Variants in HSF2 observed in about 807,000 individuals in gnomAD.
HSF2 encodes the protein heat shock factor protein 2.
In HSF2, 21 loss-of-function variants were observed where a neutral mutation model predicts 65.0. The ratio of observed to expected loss-of-function variants is 0.32; its 90% CI spans 0.23 to 0.47. The LOEUF is 0.47. Ranked by LOEUF, HSF2 falls within the 20% of genes least tolerant of loss-of-function variation. The pLI, the probability that HSF2 is intolerant of heterozygous loss-of-function variation, is 1.00. For synonymous variants in HSF2, 225 were observed against 219.1 expected, an observed-to-expected ratio of 1.03 and a Z score of -0.24; for missense variants, 499 against 628.1, an observed-to-expected ratio of 0.79 and a Z score of 2.20.
chr6:122,423,082 T>G (rs1047023786), intron 9 of HSF2, 125 bp downstream of exon 9: 2 of 1,024,848 alleles, frequency 2.0e-6, no homozygotes, highest in Non-Finnish European at 2.9e-6. Context: ...TTCTCTGTTT[T>G]GGTCAGTGTT....
chr6:122,399,633 C>A (rs45504694), upstream of HSF2: 96,415 of 906,732 alleles, frequency 0.11, 5,622 homozygotes, highest in East Asian at 0.15. Flanking sequence ...CCAAGATCTG[C>A]TGCGCCTGCG....
At chr6:122,408,268 C>T (rs1225580273) in intron 1 of HSF2, among the ~76,000 whole-genome samples, 1 of 151,612 alleles carries the variant, frequency 6.6e-6, no homozygotes, top group African/African-American at 2.4e-5. Flanking sequence ...GGTAATCTAT[C>T]CTTCAGGAGT....
At chr6:122,422,392 T>A in intron 8 of HSF2, 94 bp downstream of exon 8, 1 of 970,954 alleles carries the variant, frequency 1.0e-6, no homozygotes. Flanking sequence ...TGAAAAATAA[T>A]AATCTTTCTC....
At chr6:122,409,809 C>A (rs1231369548) in intron 1 of HSF2, among the ~76,000 whole-genome samples, 1 of 151,794 alleles carries the variant, frequency 6.6e-6, no homozygotes. Context: ...ATCTATATGT[C>A]TTCTGGGTTT....
intron 10 of HSF2, among the ~76,000 whole-genome samples, chr6:122,427,305 G>T (rs1471072796): frequency 6.6e-6 from 1 of 152,014 alleles, no homozygotes; most frequent in Non-Finnish European, 1.5e-5. Flanking sequence ...TGACTTTAAA[G>T]CTTATGACTT....
At chr6:122,406,892 G>T (rs1773879693) in intron 1 of HSF2, among the ~76,000 whole-genome samples, 1 of 152,116 alleles carries the variant, frequency 6.6e-6, no homozygotes. Flanking sequence ...AAAAAAACAG[G>T]AGTATTTTTG....
chr6:122,412,781 G>T lies in HSF2; in HGVS notation c.330+17G>T. 6.2e-7 allele frequency: 1 copy of T among 1,611,262 alleles called. No individual in the cohort carries two copies. The highest frequency in any genetic ancestry group is 8.5e-7 in the Non-Finnish European group (1 of 1,177,876). On this transcript the variant is annotated intron_variant, in intron 3 of 12. Coordinates refer to ENST00000368455, the MANE Select transcript of HSF2 (RefSeq NM_004506.4). ...AAAAGGAAGGTGAGCTATTGTGAAC[G>T]TGAGCTAATTAGGGTATTGACCTGG... is the stretch of plus-strand genomic sequence containing the variant.
At chr6:122,413,149 G>A (rs767182357) in intron 3 of HSF2, among the ~76,000 whole-genome samples, 1 of 151,642 alleles carries the variant, frequency 6.6e-6, no homozygotes, top group South Asian at 2.1e-4. Flanking sequence ...CTGTAAAAGG[G>A]GTGGACCATG....
At chr6:122,411,018 T>C (rs942794885) in intron 1 of HSF2, among the ~76,000 whole-genome samples, 25 of 151,318 alleles carry the variant, frequency 1.7e-4, no homozygotes, top group Admixed American at 1.6e-3. Flanking sequence ...GTTTAATTTT[T>C]AAAGGAACTA....
chr6:122,432,068 C>T lies in HSF2; in HGVS notation c.1459C>T (p.Leu487=). The change falls in exon 13 of 13, where the codon CTG becomes TTG. Residue 487 remains leucine, a synonymous_variant. Transcript: ENST00000368455. ...TAAACCCATAGAAGTTGATGAGCTT[C>T]TGGATAGCAGCCTAGACCCAGAACC... ...VDKPIEVDEL[L]DSSLDPEPTQ... 1 of 1,614,102 alleles carries T rather than the reference C, an allele frequency of 6.2e-7. No homozygotes were observed.
intron 10 of HSF2, among the ~76,000 whole-genome samples, chr6:122,426,508 G>T (rs1774341603): frequency 6.6e-6 from 1 of 152,040 alleles, no homozygotes; most frequent in Non-Finnish European, 1.5e-5. Flanking sequence ...ATTTGGGTTA[G>T]GCTTCTTAGG....
chr6:122,412,262 C>A, intron 1 of HSF2, 111 bp from the exon 2 acceptor site: 1 of 671,786 alleles, frequency 1.5e-6, no homozygotes, highest in Non-Finnish European at 2.7e-6. Context: ...GGTCTGAAGA[C>A]ATCAAGGAGG....
chr6:122,400,925 G>T (rs1045212051), intron 1 of HSF2, among the ~76,000 whole-genome samples: 15 of 152,274 alleles, frequency 9.9e-5, no homozygotes, highest in Admixed American at 6.5e-4. Context: ...GTTATCTCCC[G>T]TCCTCCTTTC....
At chr6:122,402,423 C>T (rs1773757788) in intron 1 of HSF2, among the ~76,000 whole-genome samples, 1 of 152,144 alleles carries the variant, frequency 6.6e-6, no homozygotes, top group East Asian at 1.9e-4. Flanking sequence ...AAATAAGTTA[C>T]TTTCATCTTT....
At chr6:122,419,254 T>C (rs779040844) in intron 6 of HSF2, 25 bp downstream of exon 6, 7 of 1,213,300 alleles carry the variant, frequency 5.8e-6, no homozygotes, top group African/African-American at 1.5e-5. Context: ...TAAAGTATTA[T>C]GTCCTGTATA....
At chr6:122,419,282 T>C in intron 6 of HSF2, 53 bp downstream of exon 6, 2 of 863,790 alleles carry the variant, frequency 2.3e-6, no homozygotes, top group Non-Finnish European at 3.7e-6. Flanking sequence ...TCACACTTTT[T>C]AGTGTTTAAC....
Position 122,422,233 on chromosome 6 carries a change from T to A in HSF2, c.765T>A (p.Asn255Lys). 6.3e-7 allele frequency: 1 copy of A among 1,596,870 alleles called. No homozygotes were observed. Among genetic ancestry groups the A allele is most frequent in the Non-Finnish European group, 8.6e-7 (1 of 1,164,944 alleles). Residue 255 changes from asparagine (N) to lysine (K), a missense_variant, in exon 8 of 13, where the codon AAT (asparagine) becomes AAA (lysine). Around this residue, in one of 2 missense-constraint regions of HSF2, gnomAD observed 349 missense variants for 393.5 expected, o/e 0.89. Transcript: ENST00000368455. ...TTATTTATGATGTTACTGATGATAATGCAGATGAAGAAAATATCCCAGTTA... is the reference window on the plus strand; with the variant it reads ...TTATTTATGATGTTACTGATGATAAAGCAGATGAAGAAAATATCCCAGTTA... ...DIIIYDVTDDNADEENIPVIP... is the reference protein window; with the variant it reads ...DIIIYDVTDDKADEENIPVIP...
chr6:122,407,049 A>G lies in HSF2; in HGVS notation c.94-5324A>G, dbSNP rs116178705. The stretch of plus-strand genomic sequence containing the variant: ...CTTAATGAAATCATCTTCTGTGAAG[A>G]TAGAAGGAACCAAAAGATGTATTAT... On this transcript the variant is annotated intron_variant, in intron 1 of 12. Coordinates refer to ENST00000368455, the MANE Select transcript of HSF2 (RefSeq NM_004506.4). 2.6e-3 allele frequency among the ~76,000 whole-genome samples: 396 copies of G among 152,316 alleles called. 3 individuals are homozygous for G. The highest frequency in any genetic ancestry group is 9.0e-3 in the African/African-American group (374 of 41,568).
At chr6:122,409,930 C>A (rs1404170754) in intron 1 of HSF2, among the ~76,000 whole-genome samples, 1 of 151,890 alleles carries the variant, frequency 6.6e-6, no homozygotes, top group Non-Finnish European at 1.5e-5. Context: ...GATTATCCCC[C>A]CATTTGAATG....
Sources: allele counts gnomAD v4.1 joint callset (sites outside exome capture counted in the v4.1 genomes callset), GRCh38; gene constraint gnomAD v4.1.1; regional missense constraint gnomAD v4.1.1; transcripts MANE v1.5; gene names NCBI Gene and HGNC (gene_info 2026-07-23, HGNC 2026-07-21).